TOX3: variants seen among roughly 807,000 people sequenced by gnomAD.
TOX3 encodes the protein CAG trinucleotide repeat-containing gene F9 protein.
TOX3 carries 22 observed loss-of-function variants against 64.3 expected under a neutral mutation model. The observed-to-expected ratio is 0.34, with a 90% confidence interval of 0.24 to 0.49. The LOEUF is 0.49. TOX3 is among the 20% of genes least tolerant of loss of function. The pLI is 0.99. For missense variants in TOX3, 661 were observed against 714.4 expected (o/e 0.93, Z 0.85); for synonymous variants, 291 against 273.6 (o/e 1.06, Z -0.63).
chr16:52,463,816 A>G (rs1960769384), intron 3 of TOX3, 118 bp downstream of exon 3: 1 of 1,267,332 alleles, frequency 7.9e-7, no homozygotes, highest in Non-Finnish European at 1.0e-6. Flanking sequence ...TGTAAATAGC[A>G]CTAGAATCAA....
At chr16:52,440,052 A>T (rs1206104865) in intron 6 of TOX3, 84 bp from the exon 7 acceptor site, 2 of 1,173,582 alleles carry the variant, frequency 1.7e-6, no homozygotes, top group African/African-American at 3.1e-5. Context: ...TTATAAATTG[A>T]TTTTTTTTAA....
chr16:52,527,181 A>T (rs944149755), intron 1 of TOX3, among the ~76,000 whole-genome samples: 3 of 152,204 alleles, frequency 2.0e-5, no homozygotes, highest in Admixed American at 6.5e-5. Context: ...ATAAAAAAAT[A>T]AAAAAGTAAA....
chr16:52,528,388 C>T (rs1417847396), intron 1 of TOX3, among the ~76,000 whole-genome samples: 1 of 151,612 alleles, frequency 6.6e-6, no homozygotes, highest in Non-Finnish European at 1.5e-5. Flanking sequence ...GAAGTGTGTG[C>T]TGTGGGCAAG....
chr16:52,527,815 G>T (rs1333321886), intron 1 of TOX3, among the ~76,000 whole-genome samples: 1 of 152,186 alleles, frequency 6.6e-6, no homozygotes, highest in Non-Finnish European at 1.5e-5. Context: ...CTTTCTAAAT[G>T]ACAGAACCAG....
intron 1 of TOX3, among the ~76,000 whole-genome samples, chr16:52,542,724 T>C (rs1324418559): frequency 1.3e-5 from 2 of 152,216 alleles, no homozygotes; most frequent in African/African-American, 4.8e-5. Context: ...GTGGCTTCAA[T>C]ATCTTACGTG....
chr16:52,515,157 A>G (rs908714229), intron 1 of TOX3, among the ~76,000 whole-genome samples: 2 of 151,334 alleles, frequency 1.3e-5, no homozygotes, highest in Admixed American at 1.3e-4. Flanking sequence ...TAAGCAAATG[A>G]ATAACTTAAA....
intron 1 of TOX3, among the ~76,000 whole-genome samples, chr16:52,488,293 C>T (rs1362736757): frequency 6.6e-6 from 1 of 152,166 alleles, no homozygotes; most frequent in Non-Finnish European, 1.5e-5. Flanking sequence ...ACTGCAGGAA[C>T]TTTGCTCAGC....
intron 3 of TOX3, among the ~76,000 whole-genome samples, chr16:52,456,951 A>G (rs78213679): frequency 0.014 from 2,156 of 152,310 alleles, 33 homozygotes; most frequent in African/African-American, 0.039. Flanking sequence ...CAAGATTAAA[A>G]GAGAATTGAA....
At position 52,497,762 on chromosome 16, in the gene TOX3, G is replaced by T. The variant is rs572191687; in HGVS notation, c.88-29188C>A. On this transcript the variant is annotated intron_variant, in intron 1 of 6. Transcript: ENST00000219746. Reference sequence around the variant, plus strand: ...TCAACTAATATCTCAGGAGCTAGATGTCCTTACAGAGCCAGTTGTGTTTTT... The same window carrying T: ...TCAACTAATATCTCAGGAGCTAGATTTCCTTACAGAGCCAGTTGTGTTTTT... Among the ~76,000 whole-genome samples the T allele has an allele frequency of 4.6e-5, 7 of 152,084 alleles. No homozygotes were observed. The East Asian group carries it at 1.4e-3, about 29-fold the overall frequency.
At chr16:52,454,925 T>C (rs913902434) in intron 3 of TOX3, among the ~76,000 whole-genome samples, 12 of 152,150 alleles carry the variant, frequency 7.9e-5, no homozygotes, top group African/African-American at 2.9e-4. Context: ...AATGACACAA[T>C]AAGGAAATGT....
intron 1 of TOX3, among the ~76,000 whole-genome samples, chr16:52,539,252 A>C (rs1344705974): frequency 6.6e-6 from 1 of 152,252 alleles, no homozygotes; most frequent in African/African-American, 2.4e-5. Context: ...ATAGCTATTA[A>C]GAGAGAAAGG....
At chr16:52,522,110 C>G (rs924551270) in intron 1 of TOX3, among the ~76,000 whole-genome samples, 3 of 152,148 alleles carry the variant, frequency 2.0e-5, no homozygotes, top group Non-Finnish European at 4.4e-5. Context: ...AAATACTGCA[C>G]AAATATCAAT....
chr16:52,519,322 A>G, intron 1 of TOX3: 5 of 1,317,526 alleles, frequency 3.8e-6, no homozygotes, highest in Non-Finnish European at 5.2e-6. Flanking sequence ...GGGTTAGTGC[A>G]TTCATCAGAC....
chr16:52,474,251 T>A (rs1961139397), intron 1 of TOX3, among the ~76,000 whole-genome samples: 1 of 152,178 alleles, frequency 6.6e-6, no homozygotes, highest in Non-Finnish European at 1.5e-5. Flanking sequence ...TCTTTCCAAC[T>A]GTACCCAAAA....
At chr16:52,512,863 G>C (rs1962347329) in intron 1 of TOX3, among the ~76,000 whole-genome samples, 1 of 152,176 alleles carries the variant, frequency 6.6e-6, no homozygotes, top group Non-Finnish European at 1.5e-5. Context: ...CAAAGTGAAT[G>C]CCAAGAAGTG....
At chr16:52,462,405 CA>C (rs1271053797) in intron 3 of TOX3, among the ~76,000 whole-genome samples, 1 of 151,948 alleles carries the variant, frequency 6.6e-6, no homozygotes. Flanking sequence ...ATTTCATAGT[CA>C]AAATGCCTCC....
At chr16:52,487,535 A>G (rs1961564890) in intron 1 of TOX3, among the ~76,000 whole-genome samples, 1 of 152,164 alleles carries the variant, frequency 6.6e-6, no homozygotes, top group Admixed American at 6.5e-5. Flanking sequence ...AATTTTATAT[A>G]CCCACGTCAT....
intron 1 of TOX3, among the ~76,000 whole-genome samples, chr16:52,469,544 C>CATCAAATA (rs1385378047): frequency 5.9e-5 from 9 of 152,172 alleles, no homozygotes; most frequent in Admixed American, 1.3e-4. Context: ...TCCTTGAATG[C>CATCAAATA]ATCAAATAAA....
At chr16:52,490,794 T>A (rs895718873) in intron 1 of TOX3, among the ~76,000 whole-genome samples, 1 of 151,892 alleles carries the variant, frequency 6.6e-6, no homozygotes, top group Non-Finnish European at 1.5e-5. Context: ...CACACCCAGC[T>A]AATTTTTTAT....
Sources: gnomAD v4.1 joint callset for allele counts (sites outside exome capture counted in the v4.1 genomes callset) on GRCh38, gnomAD v4.1.1 for gene constraint, MANE v1.5 for transcripts, NCBI Gene and HGNC (gene_info 2026-07-23, HGNC 2026-07-21) for gene names.